The following RIMS1 variants were observed in gnomAD, a reference collection of about 807,000 sequenced individuals.
RIMS1 encodes the protein regulating synaptic membrane exocytosis protein 1.
A neutral mutation model predicts 214.1 loss-of-function variants in RIMS1; 83 were observed. The observed-to-expected ratio is 0.39, with a 90% CI of 0.32 to 0.47. RIMS1 has a LOEUF of 0.47. Ranked by LOEUF, RIMS1 falls within the 20% of genes least tolerant of loss-of-function variation. RIMS1 has a pLI of 0.99. For missense variants in RIMS1, 2,050 were observed against 2,161.8 expected, an observed-to-expected ratio of 0.95 and a Z score of 1.03; for synonymous variants, 793 against 786.8, an observed-to-expected ratio of 1.01 and a Z score of -0.13.
chr6:72,017,515 G>A (rs185683910), intron 2 of RIMS1, among the ~76,000 whole-genome samples: 134 of 152,242 alleles, frequency 8.8e-4, no homozygotes, highest in Non-Finnish European at 1.7e-3. Context: ...ATAAAGTAAG[G>A]TAAAAACATT....
intron 29 of RIMS1, among the ~76,000 whole-genome samples, chr6:72,373,017 A>G (rs1302132862): frequency 6.6e-6 from 1 of 152,240 alleles, no homozygotes; most frequent in Non-Finnish European, 1.5e-5. Flanking sequence ...AAGGTCAAAG[A>G]CTTAGAAGTG....
chr6:72,247,396 G>A (rs1008861318), intron 11 of RIMS1, among the ~76,000 whole-genome samples: 3 of 151,974 alleles, frequency 2.0e-5, no homozygotes, highest in African/African-American at 4.8e-5. Flanking sequence ...TTAGCCGGAC[G>A]TGTTGGTGCA....
intron 6 of RIMS1, among the ~76,000 whole-genome samples, chr6:72,193,779 T>C (rs1263682805): frequency 6.6e-6 from 1 of 152,146 alleles, no homozygotes; most frequent in Non-Finnish European, 1.5e-5. Context: ...TTCATATCTT[T>C]ATTTTGCCTG....
chr6:72,179,480 A>G, intron 4 of RIMS1, 95 bp from the exon 5 acceptor site: 1 of 1,051,012 alleles, frequency 9.5e-7, no homozygotes, highest in South Asian at 1.4e-5. Context: ...ATGAAAATGA[A>G]TACTGTTCTT....
At chr6:72,246,244 G>T (rs190506372) in intron 11 of RIMS1, among the ~76,000 whole-genome samples, 1 of 152,252 alleles carries the variant, frequency 6.6e-6, no homozygotes, top group Non-Finnish European at 1.5e-5. Context: ...AAGAAACTAG[G>T]TAGACACTTT....
chr6:72,399,894 G>C (rs2098821527), intron 33 of RIMS1, among the ~76,000 whole-genome samples: 1 of 152,082 alleles, frequency 6.6e-6, no homozygotes. Flanking sequence ...CTAGATTGTG[G>C]TAATTTTTAA....
chr6:72,105,672 A>G (rs1399434064), intron 4 of RIMS1, among the ~76,000 whole-genome samples: 1 of 152,186 alleles, frequency 6.6e-6, no homozygotes, highest in Non-Finnish European at 1.5e-5. Context: ...ATGTGTATCT[A>G]TATGCATATG....
At chr6:72,036,373 C>A (rs1418497783) in intron 2 of RIMS1, among the ~76,000 whole-genome samples, 2 of 152,164 alleles carry the variant, frequency 1.3e-5, no homozygotes, top group African/African-American at 2.4e-5. Flanking sequence ...TTCATTTCTT[C>A]ACAGAACTGT....
At chr6:71,970,283 A>C (rs897288770) in intron 2 of RIMS1, among the ~76,000 whole-genome samples, 1 of 152,214 alleles carries the variant, frequency 6.6e-6, no homozygotes, top group African/African-American at 2.4e-5. Flanking sequence ...GCCTATAGAT[A>C]TTCTGACTGT....
intron 12 of RIMS1, among the ~76,000 whole-genome samples, 195 bp downstream of exon 12, chr6:72,248,322 G>A (rs1385080630): frequency 2.0e-5 from 3 of 152,004 alleles, no homozygotes; most frequent in Non-Finnish European, 4.4e-5. Flanking sequence ...TACTTACTGA[G>A]TGCTTGCAGT....
intron 26 of RIMS1, among the ~76,000 whole-genome samples, chr6:72,301,609 TTG>T (rs2094611455): frequency 6.6e-6 from 1 of 151,612 alleles, no homozygotes; most frequent in Admixed American, 6.6e-5. Context: ...TTTTTTTAAG[TTG>T]TAAGCCATTT....
intron 2 of RIMS1, among the ~76,000 whole-genome samples, chr6:72,042,389 T>C (rs1821694916): frequency 1.3e-5 from 2 of 151,888 alleles, no homozygotes; most frequent in Non-Finnish European, 2.9e-5. Flanking sequence ...CAAAGATTTT[T>C]TAAGATACTG....
intron 6 of RIMS1, among the ~76,000 whole-genome samples, chr6:72,205,619 T>TAAAA (rs1255056689): frequency 6.6e-6 from 1 of 152,196 alleles, no homozygotes; most frequent in African/African-American, 2.4e-5. Context: ...GTAACCCAAA[T>TAAAA]AATGAGTCAA....
chr6:72,239,288 T>A (rs567167386), intron 9 of RIMS1, among the ~76,000 whole-genome samples: 2 of 152,194 alleles, frequency 1.3e-5, no homozygotes, highest in Non-Finnish European at 2.9e-5. Flanking sequence ...AAGAGGGGTG[T>A]TCTATATAAA....
At chr6:71,971,364 A>G (rs1795810607) in intron 2 of RIMS1, among the ~76,000 whole-genome samples, 2 of 152,192 alleles carry the variant, frequency 1.3e-5, no homozygotes, top group Non-Finnish European at 2.9e-5. Context: ...ACTTAGAGGA[A>G]GGAGTAGTAG....
intron 4 of RIMS1, among the ~76,000 whole-genome samples, chr6:72,125,930 C>T (rs770793444): frequency 1.1e-4 from 17 of 152,206 alleles, no homozygotes; most frequent in Non-Finnish European, 2.2e-4. Context: ...AATCCCCTGA[C>T]CCCTTGCGCT....
At chr6:72,245,740 C>G (rs369612077) in intron 10 of RIMS1, 75 bp from the exon 11 acceptor site, 4 of 1,139,966 alleles carry the variant, frequency 3.5e-6, no homozygotes, top group Non-Finnish European at 2.6e-6. Context: ...TTTCACATCA[C>G]GTATAATGGG....
intron 32 of RIMS1, 37 bp downstream of exon 32, chr6:72,398,387 A>G: frequency 8.3e-7 from 1 of 1,206,292 alleles, no homozygotes; most frequent in African/African-American, 1.5e-5. Flanking sequence ...TGAAGGGACT[A>G]TTTAATAGGC....
At chr6:72,165,089 A>C (rs1353277541) in intron 4 of RIMS1, among the ~76,000 whole-genome samples, 1 of 152,236 alleles carries the variant, frequency 6.6e-6, no homozygotes, top group East Asian at 1.9e-4. Context: ...CCAATTATAC[A>C]TATATTAAAT....
Sources: allele counts gnomAD v4.1 joint callset (sites outside exome capture counted in the v4.1 genomes callset), GRCh38; gene constraint gnomAD v4.1.1; transcripts MANE v1.5; gene names NCBI Gene and HGNC (gene_info 2026-07-23, HGNC 2026-07-21).